Variants in LAMA5 observed in about 807,000 individuals in gnomAD.
LAMA5 encodes laminin subunit alpha-5.
A neutral mutation model predicts 433.4 loss-of-function variants in LAMA5; 260 were observed. The ratio of observed to expected loss-of-function variants is 0.60; its 90% CI spans 0.54 to 0.66. The LOEUF (loss-of-function observed/expected upper bound fraction) is 0.66. Ranked by LOEUF, LAMA5 falls within the 30% of genes least tolerant of loss-of-function variation. The probability of loss-of-function intolerance (pLI) is 0.00; values close to 1 mark genes in which losing one functional copy is unlikely to be tolerated. For missense variants in LAMA5, 5,378 were observed against 5,258.5 expected (o/e 1.02, Z -0.70); for synonymous variants, 2,620 against 2,226.6 (o/e 1.18, Z -4.97).
rs768158825 is a variant in LAMA5 at position 62,312,038 on chromosome 20, G to A, written c.9517C>T (p.Gln3173Ter). Residue 3173 changes from glutamine to a stop codon, truncating the protein, a stop_gained, in exon 70 of 80, where the codon CAG becomes TAG. Coordinates refer to ENST00000252999, the MANE Select transcript of LAMA5 (RefSeq NM_005560.6). LOFTEE classifies it high-confidence loss of function. Reference sequence around the variant, plus strand: ...ACACGGCCCTGCTGCAGGGACACCTGGCATAGCCCATCCTGGGGACGGCAG... The same window carrying A: ...ACACGGCCCTGCTGCAGGGACACCTAGCATAGCCCATCCTGGGGACGGCAG... Reference protein sequence around the residue: ...YYRASPDGLCQVSLQQGRVSL... With the variant: ...YYRASPDGLC 1 of 1,612,180 alleles carries A rather than the reference G, an allele frequency of 6.2e-7. No homozygotes were observed. The highest frequency in any genetic ancestry group is 8.5e-7 in the Non-Finnish European group (1 of 1,179,578).
intron 11 of LAMA5, among the ~76,000 whole-genome samples, chr20:62,343,844 T>C (rs1982967995): frequency 7.0e-6 from 1 of 142,822 alleles, no homozygotes; most frequent in Non-Finnish European, 1.5e-5. Context: ...AAAGTGCAGC[T>C]AAAAATGACA....
intron 21 of LAMA5, 66 bp from the exon 22 acceptor site, chr20:62,334,408 G>A (rs1055371244): frequency 4.0e-5 from 61 of 1,524,346 alleles, no homozygotes; most frequent in South Asian, 3.1e-4. Context: ...CAGCGGCCCC[G>A]GGTCTCCAGG....
At chr20:62,329,640 GGCAGGAGCTGCTTT>G in intron 32 of LAMA5, 123 bp downstream of exon 32, 1 of 1,120,758 alleles carries the variant, frequency 8.9e-7, no homozygotes, top group Non-Finnish European at 1.3e-6. Context: ...GGTCCCCAAA[GGCAGGAGCTGCTTT>G]GCTGGGCACA....
At position 62,333,916 on chromosome 20, in the gene LAMA5, C is replaced by A. The variant is rs762737529; in HGVS notation, c.2863G>T (p.Ala955Ser). Reference protein sequence around the residue: ...RVSVREEGRSATCANCTAQSQ... With the variant: ...RVSVREEGRSSTCANCTAQSQ... ...CCCCACTCACAGTTGGCGCAGGTGGCCGACCTGCCCTCCTCTCGCACAGAG... is the reference window on the plus strand; with the variant it reads ...CCCCACTCACAGTTGGCGCAGGTGGACGACCTGCCCTCCTCTCGCACAGAG... Residue 955 changes from alanine to serine, a missense_variant, in exon 23 of 80, where the codon GCC becomes TCC. Ala to Ser is a moderately conservative substitution (Grantham distance 99). Transcript: ENST00000252999. The A allele has an allele frequency of 1.2e-6, 2 of 1,601,562 alleles. No individual in the cohort carries two copies. The highest frequency in any genetic ancestry group is 1.1e-5 in the South Asian group (1 of 90,186).
intron 36 of LAMA5, 60 bp downstream of exon 36, chr20:62,327,806 G>T: frequency 6.3e-7 from 1 of 1,575,422 alleles, no homozygotes; most frequent in East Asian, 2.2e-5. Flanking sequence ...GGCCCGTAAG[G>T]ACACTTTCAG....
chr20:62,312,248 G>A lies in LAMA5; in HGVS notation c.9429C>T (p.Leu3143=), dbSNP rs1008195642. ...CGAAGCCGGAGTAGACGTTGCCAGT[G>A]AGCGGTGCCACGTTCGAGAGCGCCA... is the stretch of plus-strand genomic sequence containing the variant. ...LRLALSNVAP[L]TGNVYSGFGF... The change falls in exon 69 of 80, where the codon CTC becomes CTT. Residue 3143 remains leucine, a synonymous_variant. Coordinates refer to ENST00000252999, the MANE Select transcript of LAMA5 (RefSeq NM_005560.6). 3.7e-6 allele frequency: 6 copies of A among 1,611,120 alleles called. No homozygotes were observed. Among genetic ancestry groups the A allele is most frequent in the African/African-American group, 1.3e-5 (1 of 74,932 alleles).
Position 62,329,765 on chromosome 20 carries a change from G to A in LAMA5, c.4119+12C>T. ...CAGCTGGTCCCTGAGCAGGACATCA[G>A]CTGGGACTCACCAGCCAGAGCCACC... On this transcript the variant is annotated intron_variant, in intron 32 of 79. Coordinates refer to ENST00000252999, the MANE Select transcript of LAMA5 (RefSeq NM_005560.6). The A allele has an allele frequency of 1.2e-6, 2 of 1,612,016 alleles. No homozygotes were observed. The highest frequency in any genetic ancestry group is 1.7e-6 in the Non-Finnish European group (2 of 1,179,592).
At chr20:62,357,619 C>T (rs570666086) in intron 2 of LAMA5, among the ~76,000 whole-genome samples, 5 of 152,270 alleles carry the variant, frequency 3.3e-5, no homozygotes, top group Admixed American at 6.5e-5. Flanking sequence ...CCCAGAGGGA[C>T]GTGGAGTGGA....
rs774914758 is a variant in LAMA5 at position 62,311,199 on chromosome 20, G to C, written c.10051C>G (p.Leu3351Val). ...CGGGCCAGGATGCCCACAAACTCCAGGTGACTGGACAGGGAACCCCCAAAC... is the reference window on the plus strand; with the variant it reads ...CGGGCCAGGATGCCCACAAACTCCACGTGACTGGACAGGGAACCCCCAAAC... Reference protein sequence around the residue: ...YQFGGSLSSHLEFVGILARHR... With the variant: ...YQFGGSLSSHVEFVGILARHR... Residue 3351 changes from leucine (L) to valine (V), a missense_variant, in exon 73 of 80, where the codon CTG becomes GTG. Leu to Val is a conservative substitution (Grantham distance 32, BLOSUM62 1). Transcript: ENST00000252999. 8 of 1,609,108 alleles carry C rather than the reference G, an allele frequency of 5.0e-6. No homozygotes were observed. The Admixed American group carries it at 1.2e-4, about 24-fold the overall frequency.
intron 16 of LAMA5, 135 bp from the exon 17 acceptor site, chr20:62,336,921 G>A (rs532206860): frequency 6.2e-5 from 53 of 857,380 alleles, no homozygotes; most frequent in South Asian, 2.4e-4. Context: ...CCACATGGAC[G>A]GCCTGAAAAC....
intron 11 of LAMA5, among the ~76,000 whole-genome samples, chr20:62,340,241 C>T (rs918814509): frequency 3.3e-5 from 5 of 150,210 alleles, no homozygotes; most frequent in African/African-American, 1.2e-4. Flanking sequence ...TGTGACAGCT[C>T]AGAGGGACAG....
At chr20:62,345,504 TCAAG>T (rs2146275773) in intron 11 of LAMA5, 1 of 476,070 alleles carries the variant, frequency 2.1e-6, no homozygotes, top group East Asian at 4.8e-5. Flanking sequence ...CCTTCCAGGC[TCAAG>T]CAATCCTTCC....
intron 11 of LAMA5, among the ~76,000 whole-genome samples, chr20:62,343,430 C>CA (rs1491121008): frequency 1.3e-5 from 2 of 152,078 alleles, no homozygotes. Flanking sequence ...AGCTCCCCCC[C>CA]AAAATAAGGG....
At chr20:62,309,516 C>T (rs570865133) in intron 79 of LAMA5, 41 bp from the exon 80 acceptor site, 5 of 1,506,442 alleles carry the variant, frequency 3.3e-6, no homozygotes, top group Admixed American at 4.0e-5. Flanking sequence ...GGTTGGTGGG[C>T]AGCTAGAGAC....
intron 1 of LAMA5, among the ~76,000 whole-genome samples, chr20:62,366,085 C>T (rs958140878): frequency 9.8e-5 from 15 of 152,356 alleles, no homozygotes; most frequent in African/African-American, 9.6e-5. Flanking sequence ...CTCAGGGCCC[C>T]TAGACTCTCC....
chr20:62,362,797 AG>A (rs1365990694), intron 1 of LAMA5, among the ~76,000 whole-genome samples: 1 of 142,620 alleles, frequency 7.0e-6, no homozygotes, highest in Non-Finnish European at 1.5e-5. Flanking sequence ...CAGGGTGGAG[AG>A]GGGCATCTGC....
intron 30 of LAMA5, 40 bp from the exon 31 acceptor site, chr20:62,330,654 C>A: frequency 6.4e-7 from 1 of 1,567,916 alleles, no homozygotes; most frequent in Non-Finnish European, 8.6e-7. Context: ...GAGCTATGAG[C>A]CCCTGCTGCC....
Position 62,333,458 on chromosome 20 carries a change from G to T in LAMA5, c.3045C>A (p.Ser1015Arg). The T allele has an allele frequency of 6.2e-7, 1 of 1,612,650 alleles. No homozygotes were observed. The highest frequency in any genetic ancestry group is 2.2e-5 in the East Asian group (1 of 44,868). Residue 1015 changes from serine to arginine, a missense_variant, in exon 25 of 80, where the codon AGC becomes AGA. By Grantham distance (110) the Ser-to-Arg change is moderately radical. Transcript: ENST00000252999. ...GCAGGAGCGCCGCCTCGTAGTATGCGCTAGGCAGCAGAACCACGTAGTCCT... is the reference window on the plus strand; with the variant it reads ...GCAGGAGCGCCGCCTCGTAGTATGCTCTAGGCAGCAGAACCACGTAGTCCT... Reference protein sequence around the residue: ...VLLDYVVLLPSAYYEAALLQL... With the variant: ...VLLDYVVLLPRAYYEAALLQL...
Position 62,320,608 on chromosome 20 carries a change from T to C in LAMA5, c.6710A>G (p.Glu2237Gly). The change falls in exon 50 of 80, where the codon GAG (glutamate) becomes GGG (glycine). Residue 2237 changes from glutamate to glycine, a missense_variant. By Grantham distance (98) the Glu-to-Gly change is moderately conservative. Coordinates refer to ENST00000252999, the MANE Select transcript of LAMA5 (RefSeq NM_005560.6). ...HETAQQLEVL[E>G]QQSTSLGQDA... is the part of the protein sequence containing the mutation. The stretch of plus-strand genomic sequence containing the variant: ...CTGCCCGAGGCTTGTGCTCTGCTGC[T>C]CCAGCACCTCCAGCTGCTGTGCCGT... The C allele has an allele frequency of 1.9e-6, 3 of 1,607,734 alleles. No individual in the cohort carries two copies. Among genetic ancestry groups the C allele is most frequent in the Non-Finnish European group, 2.5e-6 (3 of 1,178,942 alleles).
Sources: gnomAD v4.1 joint callset for allele counts (sites outside exome capture counted in the v4.1 genomes callset) on GRCh38, gnomAD v4.1.1 for gene constraint, MANE v1.5 for transcripts, NCBI Gene and HGNC (gene_info 2026-07-23, HGNC 2026-07-21) for gene names.